The following CNTN5 variants were observed in gnomAD, a reference collection of about 807,000 sequenced individuals.
CNTN5 encodes the protein contactin 5.
CNTN5 carries 77 observed loss-of-function variants against 129.1 expected under a neutral mutation model. The observed-to-expected ratio is 0.60, with a 90% CI of 0.50 to 0.72. The LOEUF (loss-of-function observed/expected upper bound fraction) is 0.72, where lower values mean the gene tolerates loss of function less well. CNTN5 is among the 30% of genes least tolerant of loss of function. The pLI, the probability that CNTN5 is intolerant of heterozygous loss-of-function variation, is 0.00. For synonymous variants in CNTN5, 509 were observed against 465.6 expected (o/e 1.09, Z -1.20); for missense variants, 1,478 against 1,328.8 (o/e 1.11, Z -1.75).
intron 2 of CNTN5, among the ~76,000 whole-genome samples, chr11:99,421,586 A>T (rs779796687): frequency 4.6e-5 from 7 of 152,324 alleles, no homozygotes; most frequent in Non-Finnish European, 1.0e-4. Context: ...TTGACTTATG[A>T]CAATCTTGAT....
At chr11:99,879,381 AT>A (rs1433199653) in intron 6 of CNTN5, among the ~76,000 whole-genome samples, 3 of 152,166 alleles carry the variant, frequency 2.0e-5, no homozygotes, top group Non-Finnish European at 4.4e-5. Context: ...TATAAAATTA[AT>A]TTTTTCTTAG....
intron 13 of CNTN5, among the ~76,000 whole-genome samples, chr11:100,163,691 C>T (rs1041739936): frequency 2.0e-5 from 3 of 151,744 alleles, no homozygotes; most frequent in Non-Finnish European, 2.9e-5. Flanking sequence ...ACTTAATGTG[C>T]TTACCTTCTA....
chr11:99,242,682 A>C (rs1358361253), intron 1 of CNTN5, among the ~76,000 whole-genome samples: 1 of 151,972 alleles, frequency 6.6e-6, no homozygotes, highest in African/African-American at 2.4e-5. Flanking sequence ...TGTCATCTTT[A>C]TGTCCATAAA....
At chr11:99,048,716 G>T (rs567563058) in intron 1 of CNTN5, among the ~76,000 whole-genome samples, 2 of 152,158 alleles carry the variant, frequency 1.3e-5, no homozygotes, top group South Asian at 4.1e-4. Context: ...ACTAATGAGG[G>T]GTACACCACG....
At chr11:99,845,663 C>T (rs1192698589) in intron 6 of CNTN5, among the ~76,000 whole-genome samples, 3 of 152,124 alleles carry the variant, frequency 2.0e-5, no homozygotes, top group Admixed American at 6.5e-5. Context: ...TGAGCCACCG[C>T]GCCCGGCCCT....
chr11:99,990,455 T>TATATACAC (rs560732478), intron 8 of CNTN5, among the ~76,000 whole-genome samples: 1 of 145,080 alleles, frequency 6.9e-6, no homozygotes, highest in Non-Finnish European at 1.5e-5. Flanking sequence ...TATATATATA[T>TATATACAC]ACACACACAC....
chr11:99,282,341 C>T (rs1158846333), intron 1 of CNTN5, among the ~76,000 whole-genome samples: 1 of 151,884 alleles, frequency 6.6e-6, no homozygotes, highest in Non-Finnish European at 1.5e-5. Flanking sequence ...GTAAGGTTCA[C>T]TCAGAAGACA....
intron 3 of CNTN5, among the ~76,000 whole-genome samples, chr11:99,781,318 A>G (rs1414925538): frequency 1.3e-5 from 2 of 152,058 alleles, no homozygotes; most frequent in African/African-American, 2.4e-5. Flanking sequence ...GATGGCACTT[A>G]TATTTTGTGA....
At chr11:99,681,106 C>G (rs748717097) in intron 3 of CNTN5, among the ~76,000 whole-genome samples, 44 of 151,960 alleles carry the variant, frequency 2.9e-4, no homozygotes, top group Non-Finnish European at 5.4e-4. Context: ...AAAACTTGAA[C>G]GGATGAAGAG....
chr11:99,727,653 C>A (rs1943397644), intron 3 of CNTN5, among the ~76,000 whole-genome samples: 1 of 151,808 alleles, frequency 6.6e-6, no homozygotes, highest in South Asian at 2.1e-4. Flanking sequence ...AACCTCCCAC[C>A]AGAAAAACAA....
chr11:99,088,109 T>TACA (rs1241123680), intron 1 of CNTN5, among the ~76,000 whole-genome samples: 1 of 152,154 alleles, frequency 6.6e-6, no homozygotes, highest in African/African-American at 2.4e-5. Context: ...TGGGTTCAGG[T>TACA]ACAACTATTT....
At chr11:99,408,448 G>GAAAGAAAGAGAAAGAAAGAAAGAA (rs71305322) in intron 2 of CNTN5, among the ~76,000 whole-genome samples, 2 of 78,088 alleles carry the variant, frequency 2.6e-5, no homozygotes, top group Admixed American at 1.5e-4. Context: ...AAGAAAGAAA[G>GAAAGAAAGAGAAAGAAAGAAAGAA]AGAAAGAAAG....
At chr11:99,426,762 G>C (rs1029746857) in intron 2 of CNTN5, among the ~76,000 whole-genome samples, 1 of 152,122 alleles carries the variant, frequency 6.6e-6, no homozygotes, top group Non-Finnish European at 1.5e-5. Context: ...TTGTGGCCTT[G>C]TATCTCATGA....
chr11:100,072,305 CTAAT>C lies in CNTN5; in HGVS notation c.1429+472_1429+475del, dbSNP rs1168046451. Among the ~76,000 whole-genome samples the C allele has an allele frequency of 9.2e-5, 14 of 152,294 alleles. No individual in the cohort carries two copies. The South Asian group carries it at 1.4e-3, about 16-fold the overall frequency. ...TCACTCTCTCCTCATGGGGCATCAA[CTAAT>C]ACCTTCCTTACTTAACAGGGAAAGG... On this transcript the variant is annotated intron_variant, in intron 12 of 24. Transcript: ENST00000524871.
At chr11:99,228,664 C>G (rs969909578) in intron 1 of CNTN5, among the ~76,000 whole-genome samples, 1 of 151,910 alleles carries the variant, frequency 6.6e-6, no homozygotes, top group South Asian at 2.1e-4. Context: ...ACAGTCTTTA[C>G]TAATTTTAAA....
intron 4 of CNTN5, among the ~76,000 whole-genome samples, chr11:99,827,578 C>T (rs1947004377): frequency 6.6e-6 from 1 of 152,106 alleles, no homozygotes. Context: ...GAAACATGAG[C>T]AGCATATAGT....
chr11:100,036,621 G>C (rs1942028786), intron 9 of CNTN5, among the ~76,000 whole-genome samples: 1 of 149,582 alleles, frequency 6.7e-6, no homozygotes, highest in Admixed American at 6.7e-5. Flanking sequence ...TCTTCCATTT[G>C]TTTGTATCCT....
intron 18 of CNTN5, among the ~76,000 whole-genome samples, chr11:100,288,391 G>A (rs1950855283): frequency 6.6e-6 from 1 of 152,088 alleles, no homozygotes; most frequent in South Asian, 2.1e-4. Flanking sequence ...TGAAAGAACA[G>A]AAATTATAAC....
rs1951405395 is a variant in CNTN5 at position 100,308,482 on chromosome 11, G to A, written c.2730+14G>A. 2 of 1,605,284 alleles carry A rather than the reference G, an allele frequency of 1.2e-6. No homozygotes were observed. Among genetic ancestry groups the A allele is most frequent in the Non-Finnish European group, 1.7e-6 (2 of 1,175,292 alleles). ...CAGGGATTTGAGGTATGAACAGAAT[G>A]ATTGAAAATAAGCCTTATTGTTTCT... On this transcript the variant is annotated intron_variant, in intron 21 of 24. Transcript: ENST00000524871.
Sources: allele counts gnomAD v4.1 joint callset (sites outside exome capture counted in the v4.1 genomes callset), GRCh38; gene constraint gnomAD v4.1.1; transcripts MANE v1.5; gene names NCBI Gene and HGNC (gene_info 2026-07-23, HGNC 2026-07-21).